Variants in SEPTIN7 observed in about 807,000 individuals in gnomAD.
SEPTIN7 encodes septin-7.
A neutral mutation model predicts 63.3 loss-of-function variants in SEPTIN7; 10 were observed. That is an observed-to-expected ratio of 0.16 (90% CI 0.10 to 0.27). SEPTIN7 has a LOEUF of 0.27. Among genes scored for constraint, SEPTIN7 ranks in the 10% least tolerant of loss-of-function variants. SEPTIN7 has a pLI of 1.00. For synonymous variants in SEPTIN7, 131 were observed against 165.3 expected, an observed-to-expected ratio of 0.79 and a Z score of 1.59; for missense variants, 310 against 521.0, an observed-to-expected ratio of 0.59 and a Z score of 3.94.
At chr7:35,806,276 C>CAA (rs1233271110) in intron 1 of SEPTIN7, among the ~76,000 whole-genome samples, 1 of 152,194 alleles carries the variant, frequency 6.6e-6, no homozygotes, top group Non-Finnish European at 1.5e-5. Flanking sequence ...ACTTGGGAAT[C>CAA]AAAATTACCT....
intron 1 of SEPTIN7, among the ~76,000 whole-genome samples, chr7:35,818,854 G>GT (rs369530002): frequency 1.9e-4 from 28 of 146,298 alleles, no homozygotes; most frequent in Admixed American, 2.7e-4. Flanking sequence ...GAGTGTTCTG[G>GT]TTTTTTTTTT....
rs1583467835 is a variant in SEPTIN7, at chr7:35,801,138, A to C, written c.-72A>C. 5 of 1,297,096 alleles carry C rather than the reference A, an allele frequency of 3.9e-6. No individual in the cohort carries two copies. The highest frequency in any genetic ancestry group is 5.2e-6 in the Non-Finnish European group (5 of 969,560). The allele number at this position is 1,297,096 out of a possible 1,614,324, so 80.3% of individuals were successfully genotyped here. A position where few individuals can be genotyped will look rare whatever the true frequency, so the allele number is the denominator to read the frequency against. ...GCTACGCCGGGCGGCTACGCTGCGG[A>C]ATCGGCGTAGGCGCCTTTGGAGAAT... On this transcript the variant is annotated 5_prime_UTR_variant, in exon 1 of 14. Transcript: ENST00000350320.
Position 35,862,717 on chromosome 7 carries a change from A to T in SEPTIN7, c.170-835A>T, listed in dbSNP as rs188211649. Among the ~76,000 whole-genome samples the T allele has an allele frequency of 2.6e-3, 393 of 152,306 alleles. 2 individuals are homozygous for T. The highest frequency in any genetic ancestry group is 9.0e-3 in the African/African-American group (376 of 41,570). On this transcript the variant is annotated intron_variant, in intron 3 of 13. Coordinates refer to ENST00000350320, the MANE Select transcript of SEPTIN7 (RefSeq NM_001788.6). ...GTGACATCAGTTACTTAGGCTAAGCATGCCTATTATTCTAAGTGAATTATT... is the reference window on the plus strand; with the variant it reads ...GTGACATCAGTTACTTAGGCTAAGCTTGCCTATTATTCTAAGTGAATTATT...
At chr7:35,884,523 A>G (rs1787104648) in intron 9 of SEPTIN7, among the ~76,000 whole-genome samples, 1 of 152,140 alleles carries the variant, frequency 6.6e-6, no homozygotes, top group African/African-American at 2.4e-5. Flanking sequence ...ACTAAAATTG[A>G]GGGGTTCTTT....
intron 4 of SEPTIN7, among the ~76,000 whole-genome samples, chr7:35,869,072 A>G (rs1785988154): frequency 6.6e-6 from 1 of 152,172 alleles, no homozygotes; most frequent in Admixed American, 6.5e-5. Context: ...TGGTATAGGA[A>G]TAGAAAGATG....
intron 1 of SEPTIN7, among the ~76,000 whole-genome samples, chr7:35,827,007 G>A (rs1783550354): frequency 6.6e-6 from 1 of 152,132 alleles, no homozygotes; most frequent in Non-Finnish European, 1.5e-5. Context: ...TTAGAAGGAA[G>A]GTTAGAACTA....
At chr7:35,804,839 T>TG (rs1010499335) in intron 1 of SEPTIN7, among the ~76,000 whole-genome samples, 3 of 147,806 alleles carry the variant, frequency 2.0e-5, no homozygotes, top group African/African-American at 7.4e-5. Context: ...TTTTTTGTTT[T>TG]TTTTTTTTTT....
chr7:35,871,519 T>G (rs1175045130), intron 4 of SEPTIN7, among the ~76,000 whole-genome samples: 2 of 152,242 alleles, frequency 1.3e-5, no homozygotes, highest in Non-Finnish European at 2.9e-5. Context: ...CCCTAGGATT[T>G]GGAGATGCAG....
intron 1 of SEPTIN7, among the ~76,000 whole-genome samples, chr7:35,807,840 G>GT (rs956417478): frequency 6.6e-6 from 1 of 151,458 alleles, no homozygotes. Flanking sequence ...TTGTTGTTTT[G>GT]TTTTTTTGAG....
chr7:35,853,973 A>G (rs1785079024), intron 3 of SEPTIN7, among the ~76,000 whole-genome samples: 1 of 152,190 alleles, frequency 6.6e-6, no homozygotes, highest in Admixed American at 6.5e-5. Context: ...TGGTATTGAT[A>G]ATGATGCAGA....
chr7:35,812,128 CAAAA>C, intron 1 of SEPTIN7: 9 of 111,486 alleles, frequency 8.1e-5, no homozygotes, highest in Middle Eastern at 3.5e-3. Flanking sequence ...GTCTCCAAAA[CAAAA>C]AAAAAAAAAA....
chr7:35,902,303 C>T (rs932285041), intron 12 of SEPTIN7: 1 of 151,692 alleles, frequency 6.6e-6, no homozygotes, highest in Non-Finnish European at 1.5e-5. Context: ...TTTGTTTCTG[C>T]AGTTACTTCG....
At chr7:35,841,733 G>A (rs1315752528) in intron 3 of SEPTIN7, among the ~76,000 whole-genome samples, 1 of 152,208 alleles carries the variant, frequency 6.6e-6, no homozygotes, top group African/African-American at 2.4e-5. Flanking sequence ...CGGAAGGCAA[G>A]GACATGAAGG....
At chr7:35,855,258 A>T (rs1212558306) in intron 3 of SEPTIN7, among the ~76,000 whole-genome samples, 1 of 152,140 alleles carries the variant, frequency 6.6e-6, no homozygotes, top group Non-Finnish European at 1.5e-5. Context: ...CTTAGCAATT[A>T]TGTGGTATTC....
intron 3 of SEPTIN7, among the ~76,000 whole-genome samples, chr7:35,860,212 A>G (rs1004338602): frequency 6.6e-5 from 10 of 151,924 alleles, no homozygotes; most frequent in Admixed American, 2.0e-4. Context: ...TTTTATACCA[A>G]TCTAACTTAA....
intron 3 of SEPTIN7, among the ~76,000 whole-genome samples, chr7:35,860,227 C>T (rs1019777232): frequency 1.3e-5 from 2 of 151,834 alleles, no homozygotes; most frequent in African/African-American, 4.8e-5. Context: ...ACTTAAATCA[C>T]ATTGAACAAC....
At chr7:35,841,279 A>G (rs1038192592) in intron 3 of SEPTIN7, among the ~76,000 whole-genome samples, 2 of 152,200 alleles carry the variant, frequency 1.3e-5, no homozygotes, top group African/African-American at 4.8e-5. Flanking sequence ...GGATTGACAT[A>G]TGTAAGAAAT....
rs1300874407 is a variant in SEPTIN7 at position 35,879,150 on chromosome 7, C to T, written c.513-673C>T. On this transcript the variant is annotated intron_variant, in intron 6 of 13. Coordinates refer to ENST00000350320, the MANE Select transcript of SEPTIN7 (RefSeq NM_001788.6). The stretch of plus-strand genomic sequence containing the variant: ...TGAAAGTACAGAGGCAAACTGGAGG[C>T]AGCAGCCAGATTGTAATGAATAAAA... Among the ~76,000 whole-genome samples, 8 of 152,248 alleles carry T rather than the reference C, an allele frequency of 5.3e-5. No individual in the cohort carries two copies. The East Asian group carries it at 1.4e-3, about 26-fold the overall frequency.
chr7:35,840,443 A>G (rs1177697214), intron 3 of SEPTIN7, among the ~76,000 whole-genome samples: 2 of 150,902 alleles, frequency 1.3e-5, no homozygotes, highest in South Asian at 4.2e-4. Flanking sequence ...AATAAAAATA[A>G]AACAAAATTT....
Sources: gnomAD v4.1 joint callset for allele counts (sites outside exome capture counted in the v4.1 genomes callset) on GRCh38, gnomAD v4.1.1 for gene constraint, MANE v1.5 for transcripts, NCBI Gene and HGNC (gene_info 2026-07-23, HGNC 2026-07-21) for gene names.